Variants in RHOBTB1 observed in about 807,000 individuals in gnomAD.
RHOBTB1 encodes the protein Rho related BTB domain containing 1.
Under a neutral mutation model 71.6 loss-of-function variants are expected in RHOBTB1, and 40 were observed. The ratio of observed to expected loss-of-function variants is 0.56; its 90% confidence interval spans 0.43 to 0.73. The LOEUF is 0.73. Ranked by LOEUF, RHOBTB1 falls within the 30% of genes least tolerant of loss-of-function variation. The pLI is 0.00. For synonymous variants in RHOBTB1, 319 were observed against 334.9 expected, an observed-to-expected ratio of 0.95 and a Z score of 0.52; for missense variants, 797 against 894.0, an observed-to-expected ratio of 0.89 and a Z score of 1.38.
At chr10:60,978,304 G>A (rs951172030) in intron 2 of RHOBTB1, among the ~76,000 whole-genome samples, 4 of 152,096 alleles carry the variant, frequency 2.6e-5, no homozygotes, top group Admixed American at 6.6e-5. Context: ...CTGAGACAAA[G>A]TTCCTGGCTG....
intron 2 of RHOBTB1, among the ~76,000 whole-genome samples, chr10:60,965,337 T>C (rs1565150590): frequency 6.6e-6 from 1 of 152,088 alleles, no homozygotes; most frequent in Non-Finnish European, 1.5e-5. Context: ...ATGACTTAGT[T>C]TTTTAAAGTC....
chr10:60,923,188 T>C (rs1252839872), intron 2 of RHOBTB1, among the ~76,000 whole-genome samples: 1 of 152,150 alleles, frequency 6.6e-6, no homozygotes, highest in Non-Finnish European at 1.5e-5. Flanking sequence ...ATATGACCTA[T>C]TAAAAACCTT....
At chr10:60,877,796 C>T (rs533916935) in intron 8 of RHOBTB1, 112 bp downstream of exon 8, 1 of 998,506 alleles carries the variant, frequency 1.0e-6, no homozygotes, top group African/African-American at 1.6e-5. Flanking sequence ...ACAAGACAGT[C>T]CTATTTTGGG....
At chr10:60,936,975 A>C (rs2084622764) in intron 2 of RHOBTB1, among the ~76,000 whole-genome samples, 1 of 152,358 alleles carries the variant, frequency 6.6e-6, no homozygotes, top group South Asian at 2.1e-4. Flanking sequence ...TCCATCTTGC[A>C]ATATGCATTT....
chr10:60,890,425 A>G (rs1161526044), intron 5 of RHOBTB1, among the ~76,000 whole-genome samples: 3 of 152,116 alleles, frequency 2.0e-5, no homozygotes, highest in African/African-American at 7.2e-5. Flanking sequence ...AATAAAGTCC[A>G]TACCCTTTAG....
upstream of RHOBTB1, among the ~76,000 whole-genome samples, chr10:61,001,855 C>T (rs532689035): frequency 6.6e-6 from 1 of 152,350 alleles, no homozygotes; most frequent in South Asian, 2.1e-4. Flanking sequence ...TGGAGGCCTC[C>T]CCAGGACCCA....
At chr10:60,873,500 T>C (rs2080899506) in intron 9 of RHOBTB1, among the ~76,000 whole-genome samples, 1 of 152,204 alleles carries the variant, frequency 6.6e-6, no homozygotes, top group Non-Finnish European at 1.5e-5. Context: ...AATAATCATA[T>C]TATTTCCTTG....
At chr10:60,868,134 C>A (rs1212517787), downstream of RHOBTB1, among the ~76,000 whole-genome samples, 1 of 152,066 alleles carries the variant, frequency 6.6e-6, no homozygotes, top group Non-Finnish European at 1.5e-5. Context: ...CATAGACATA[C>A]AACACAAATG....
intron 2 of RHOBTB1, among the ~76,000 whole-genome samples, chr10:60,940,037 G>A (rs1434995360): frequency 6.6e-6 from 1 of 152,128 alleles, no homozygotes; most frequent in African/African-American, 2.4e-5. Flanking sequence ...GTCTTGGCCT[G>A]TAATGGGATC....
Position 60,929,174 on chromosome 10 carries a change from AGATTTGGGTGGG to A in RHOBTB1, c.-11+12618_-11+12629del, listed in dbSNP as rs551301576. 8.0e-4 allele frequency among the ~76,000 whole-genome samples: 122 copies of A among 152,276 alleles called. 2 individuals are homozygous for A. In the South Asian group the frequency reaches 0.025, roughly 31 times the overall value. ...CATGTGGGGATTATAATTGGATATG[AGATTTGGGTGGG>A]GACACAGAACTAAACCATATCACCC... On this transcript the variant is annotated intron_variant, in intron 2 of 10. Coordinates refer to ENST00000337910, the MANE Select transcript of RHOBTB1 (RefSeq NM_014836.5).
the RHOBTB1 span, among the ~76,000 whole-genome samples, chr10:60,861,142 C>CATGG: frequency 2.0e-5 from 3 of 152,140 alleles, no homozygotes; most frequent in African/African-American, 7.2e-5. Context: ...GAACCGGTTA[C>CATGG]CTCCCTGCAA....
chr10:60,920,912 C>A (rs1257829643), intron 2 of RHOBTB1, among the ~76,000 whole-genome samples: 1 of 151,512 alleles, frequency 6.6e-6, no homozygotes, highest in African/African-American at 2.4e-5. Context: ...CCACCTTGGC[C>A]TCCCAAAATG....
intron 2 of RHOBTB1, among the ~76,000 whole-genome samples, chr10:60,961,258 A>G (rs2134520640): frequency 6.6e-6 from 1 of 152,278 alleles, no homozygotes; most frequent in African/African-American, 2.4e-5. Context: ...CAGGAAGAAC[A>G]TACTATGAGA....
chr10:60,883,198 T>C (rs1269339525), intron 7 of RHOBTB1, among the ~76,000 whole-genome samples: 1 of 152,186 alleles, frequency 6.6e-6, no homozygotes, highest in Non-Finnish European at 1.5e-5. Flanking sequence ...GTGGTCTTTG[T>C]CTTTTGAGCT....
the RHOBTB1 span, among the ~76,000 whole-genome samples, chr10:60,864,070 T>A: frequency 1.3e-5 from 2 of 152,154 alleles, no homozygotes; most frequent in Non-Finnish European, 1.5e-5. Flanking sequence ...TATGGCATAG[T>A]CTTTACTCCA....
At chr10:60,918,332 C>G (rs967433614) in intron 2 of RHOBTB1, among the ~76,000 whole-genome samples, 9 of 152,166 alleles carry the variant, frequency 5.9e-5, no homozygotes, top group African/African-American at 1.9e-4. Context: ...GGTACCCCAA[C>G]CCAACCTTCA....
At chr10:60,880,795 ACCAG>A (rs1245637392) in intron 7 of RHOBTB1, among the ~76,000 whole-genome samples, 2 of 152,218 alleles carry the variant, frequency 1.3e-5, no homozygotes, top group African/African-American at 4.8e-5. Context: ...TAAATCTAGC[ACCAG>A]TTACACTGCG....
intron 4 of RHOBTB1, among the ~76,000 whole-genome samples, chr10:60,904,492 T>A (rs2082564256): frequency 6.6e-6 from 1 of 152,182 alleles, no homozygotes; most frequent in Non-Finnish European, 1.5e-5. Flanking sequence ...AGATTGCATT[T>A]TCTAGGATGT....
chr10:60,952,245 A>T lies in RHOBTB1; in HGVS notation c.-61-10391T>A, dbSNP rs115995419. ...CTGTTCTACTGTGATCACTGTCAAC[A>T]CTGATCACCCATGAAAAGGCACTTT... On this transcript the variant is annotated intron_variant, in intron 2 of 11. Transcript: ENST00000357917. 4.1e-3 allele frequency among the ~76,000 whole-genome samples: 621 copies of T among 152,288 alleles called. 2 individuals are homozygous for T. The highest frequency in any genetic ancestry group is 0.014 in the African/African-American group (591 of 41,546).
Sources: allele counts gnomAD v4.1 joint callset (sites outside exome capture counted in the v4.1 genomes callset), GRCh38; gene constraint gnomAD v4.1.1; transcripts MANE v1.5; gene names NCBI Gene and HGNC (gene_info 2026-07-23, HGNC 2026-07-21).